Variants in XRCC2 observed in about 807,000 individuals in gnomAD.
The protein encoded by XRCC2 is DNA repair protein XRCC2.
Under a neutral mutation model 27.3 loss-of-function variants are expected in XRCC2, and 24 were observed. The ratio of observed to expected loss-of-function variants is 0.88; its 90% CI spans 0.64 to 1.24. The LOEUF (loss-of-function observed/expected upper bound fraction) is 1.24, where lower values mean the gene tolerates loss of function less well. Among genes scored for constraint, XRCC2 ranks in the 50% most tolerant of loss-of-function variants. XRCC2 has a pLI of 0.00. For synonymous variants in XRCC2, 106 were observed against 115.4 expected, an observed-to-expected ratio of 0.92 and a Z score of 0.52; for missense variants, 321 against 325.8, an observed-to-expected ratio of 0.99 and a Z score of 0.11.
chr7:152,661,152 T>C (rs1009075722), intron 1 of XRCC2, among the ~76,000 whole-genome samples: 2 of 152,186 alleles, frequency 1.3e-5, no homozygotes, highest in African/African-American at 4.8e-5. Context: ...ATTTTTTTCA[T>C]AATTTTGTGG....
intron 2 of XRCC2, among the ~76,000 whole-genome samples, chr7:152,658,011 G>C (rs926080169): frequency 1.6e-4 from 24 of 148,970 alleles, no homozygotes; most frequent in Non-Finnish European, 2.7e-4. Context: ...TGTCACCCAG[G>C]CTGGAGTGAA....
intron 1 of XRCC2, among the ~76,000 whole-genome samples, chr7:152,669,105 G>A (rs1466288890): frequency 1.3e-5 from 2 of 152,116 alleles, no homozygotes; most frequent in Non-Finnish European, 2.9e-5. Flanking sequence ...CAGGCCAGGT[G>A]CAGTGGTTCA....
chr7:152,668,885 C>T (rs2098037037), intron 1 of XRCC2, among the ~76,000 whole-genome samples: 1 of 152,082 alleles, frequency 6.6e-6, no homozygotes, highest in Non-Finnish European at 1.5e-5. Flanking sequence ...TATATTATGT[C>T]CTTTAATTGT....
chr7:152,667,428 A>AAAAG (rs1554412464), intron 1 of XRCC2, among the ~76,000 whole-genome samples: 2,515 of 77,780 alleles, frequency 0.032, 139 homozygotes, highest in South Asian at 0.066. Flanking sequence ...AAAAAAAAAG[A>AAAAG]AAAAAAGTAT....
At chr7:152,660,608 C>T in intron 2 of XRCC2, 93 bp downstream of exon 2, 1 of 1,051,130 alleles carries the variant, frequency 9.5e-7, no homozygotes, top group Non-Finnish European at 1.4e-6. Flanking sequence ...CCTGTATAAA[C>T]TCTTGTGAGG....
intron 2 of XRCC2, among the ~76,000 whole-genome samples, chr7:152,659,509 TCTTCAAAGATATAC>T (rs2098032141): frequency 2.0e-5 from 3 of 152,166 alleles, no homozygotes; most frequent in Admixed American, 2.0e-4. Flanking sequence ...ATCTGACGTT[TCTTCAAAGATATAC>T]AATTTGCCAA....
At chr7:152,660,815 T>C in intron 1 of XRCC2, 33 bp from the exon 2 acceptor site, 2 of 1,532,104 alleles carry the variant, frequency 1.3e-6, no homozygotes, top group South Asian at 1.2e-5. Flanking sequence ...AAACTCATTA[T>C]TTAAAAATAT....
chr7:152,675,885 G>A (rs1227034840), intron 1 of XRCC2, among the ~76,000 whole-genome samples, 156 bp downstream of exon 1: 1 of 152,154 alleles, frequency 6.6e-6, no homozygotes, highest in Non-Finnish European at 1.5e-5. Context: ...GGTGGCAGAG[G>A]GTGCCAGCAT....
chr7:152,672,055 A>G lies in XRCC2; in HGVS notation c.39+3986T>C, dbSNP rs534716277. On this transcript the variant is annotated intron_variant, in intron 1 of 2. Transcript: ENST00000359321. The stretch of plus-strand genomic sequence containing the variant: ...GACCCCTTCTCTAAAACATGAAAAT[A>G]AATATATAAATTTAAAATAAAATCA... Among the ~76,000 whole-genome samples, 10 of 152,294 alleles carry G rather than the reference A, an allele frequency of 6.6e-5. No homozygotes were observed. The East Asian group carries it at 1.7e-3, about 26-fold the overall frequency.
chr7:152,665,010 C>G (rs1279192673), intron 1 of XRCC2, among the ~76,000 whole-genome samples: 2 of 152,056 alleles, frequency 1.3e-5, no homozygotes, highest in Non-Finnish European at 2.9e-5. Context: ...CGAGCATGCA[C>G]AGAACTCCAA....
intron 1 of XRCC2, among the ~76,000 whole-genome samples, chr7:152,669,533 G>A (rs2098037307): frequency 1.3e-5 from 2 of 151,970 alleles, no homozygotes; most frequent in Non-Finnish European, 2.9e-5. Context: ...CTCCTGAGTA[G>A]CTGGGATTAC....
chr7:152,645,961 T>C lies in XRCC2; in HGVS notation c.*2681A>G, dbSNP rs1300836656. ...TATTTTAAAAACCAGCCTAAAACTGTCATTTTAACTGGAGTCCTCAGTCCC... is the reference window on the plus strand; with the variant it reads ...TATTTTAAAAACCAGCCTAAAACTGCCATTTTAACTGGAGTCCTCAGTCCC... On this transcript the variant is annotated 3_prime_UTR_variant, in exon 3 of 3. Coordinates refer to ENST00000359321, the MANE Select transcript of XRCC2 (RefSeq NM_005431.2). The C allele has an allele frequency of 6.6e-6, 1 of 152,182 alleles. No individual in the cohort carries two copies. Among genetic ancestry groups the C allele is most frequent in the Non-Finnish European group, 1.5e-5 (1 of 68,032 alleles). The allele number at this position is 152,182 out of a possible 1,614,324, so 9.4% of individuals were successfully genotyped here.
chr7:152,663,846 C>T (rs117946176), intron 1 of XRCC2: 1 of 151,568 alleles, frequency 6.6e-6, no homozygotes, highest in Non-Finnish European at 1.5e-5. Flanking sequence ...CCCCCTGCCC[C>T]CCCCCCCCAA....
Position 152,660,705 on chromosome 7 carries a change from C to T in XRCC2, c.117G>A (p.Val39=), listed in dbSNP as rs200974031. ...PNLFADEDSP[V]HGDILEFHGP... is the part of the protein sequence containing the mutation. ...TATAAAGGTTGTATTTTTTACCATG[C>T]ACAGGTGAATCTTCATCAGCAAACA... is the stretch of plus-strand genomic sequence containing the variant. Residue 39 remains valine, a synonymous_variant, in exon 2 of 3, where the codon GTG becomes GTA. Transcript: ENST00000359321. The T allele has an allele frequency of 1.9e-6, 3 of 1,609,638 alleles. No homozygotes were observed. Among genetic ancestry groups the T allele is most frequent in the Admixed American group, 1.7e-5 (1 of 59,038 alleles).
intron 1 of XRCC2, among the ~76,000 whole-genome samples, chr7:152,673,447 G>C (rs1258521926): frequency 6.6e-6 from 1 of 152,104 alleles, no homozygotes; most frequent in Non-Finnish European, 1.5e-5. Context: ...TTACGGGCAT[G>C]AGCCACTGCA....
intron 1 of XRCC2, among the ~76,000 whole-genome samples, chr7:152,668,195 C>T (rs2098036760): frequency 1.3e-5 from 2 of 152,100 alleles, no homozygotes; most frequent in South Asian, 4.1e-4. Flanking sequence ...GCATGTCATT[C>T]TGAGTTGCAT....
At chr7:152,652,551 AACACTGAGGT>A (rs1209036952) in intron 2 of XRCC2, among the ~76,000 whole-genome samples, 1 of 152,154 alleles carries the variant, frequency 6.6e-6, no homozygotes, top group East Asian at 1.9e-4. Context: ...TGCTCCTAAT[AACACTGAGGT>A]AGGGAAAGCA....
At chr7:152,674,075 T>A (rs1461589002) in intron 1 of XRCC2, among the ~76,000 whole-genome samples, 1 of 152,090 alleles carries the variant, frequency 6.6e-6, no homozygotes, top group Non-Finnish European at 1.5e-5. Flanking sequence ...TAACTGGTTT[T>A]GTTAATAAAA....
intron 1 of XRCC2, among the ~76,000 whole-genome samples, chr7:152,665,923 C>A (rs1175660175): frequency 6.6e-6 from 1 of 152,146 alleles, no homozygotes; most frequent in Non-Finnish European, 1.5e-5. Context: ...CCCAACGTGA[C>A]TTTCTCTGAG....
Sources: allele counts gnomAD v4.1 joint callset (sites outside exome capture counted in the v4.1 genomes callset), GRCh38; gene constraint gnomAD v4.1.1; transcripts MANE v1.5; gene names NCBI Gene and HGNC (gene_info 2026-07-23, HGNC 2026-07-21).